The following GLG1 variants were observed in gnomAD, a reference collection of about 807,000 sequenced individuals.
The protein encoded by GLG1 is Golgi apparatus protein 1.
A neutral mutation model predicts 160.5 loss-of-function variants in GLG1; 38 were observed. The observed-to-expected ratio is 0.24, with a 90% confidence interval of 0.18 to 0.31. The LOEUF (loss-of-function observed/expected upper bound fraction) is 0.31, where lower values mean the gene tolerates loss of function less well. GLG1 is among the 10% of genes least tolerant of loss of function. GLG1 has a pLI of 1.00. For synonymous variants in GLG1, 644 were observed against 543.4 expected, an observed-to-expected ratio of 1.19 and a Z score of -2.57; for missense variants, 1,373 against 1,505.2, an observed-to-expected ratio of 0.91 and a Z score of 1.45.
chr16:74,528,487 CTTTTT>C (rs2017412818), intron 2 of GLG1, among the ~76,000 whole-genome samples: 1 of 151,836 alleles, frequency 6.6e-6, no homozygotes, highest in Non-Finnish European at 1.5e-5. Flanking sequence ...GTTGAGTTTT[CTTTTT>C]ATCTTTTCGT....
At chr16:74,461,946 C>T (rs2143177702) in intron 22 of GLG1, 148 bp downstream of exon 22, 1 of 576,346 alleles carries the variant, frequency 1.7e-6, no homozygotes, top group Non-Finnish European at 3.1e-6. Flanking sequence ...TTACAAAGAA[C>T]AGGAATGCAG....
In GLG1 at chr16:74,479,051, CAAAAAAAAAAAAA is replaced by C. The variant is rs34125450; in HGVS notation, c.1827+1177_1827+1189del. On this transcript the variant is annotated intron_variant, in intron 11 of 25. Coordinates refer to ENST00000422840, the MANE Select transcript of GLG1 (RefSeq NM_001145667.2). ...AGAAACCCCGTCTCTATTAAAAATCCAAAAAAAAAAAAAAAAAAAAAAAAAAAGCCAGGCATGA... is the reference window on the plus strand; with the variant it reads ...AGAAACCCCGTCTCTATTAAAAATCCAAAAAAAAAAAAAAGCCAGGCATGA... 2.9e-3 allele frequency among the ~76,000 whole-genome samples: 51 copies of C among 17,582 alleles called. 1 individual carries two copies. Among genetic ancestry groups the C allele is most frequent in the South Asian group, 6.7e-3 (2 of 298 alleles). The allele number at this position is 17,582 out of a possible 152,430, so 11.5% of individuals were successfully genotyped here. A position where few individuals can be genotyped will look rare whatever the true frequency, so the allele number is the denominator to read the frequency against.
At chr16:74,577,222 T>TA (rs971888179) in intron 1 of GLG1, among the ~76,000 whole-genome samples, 3 of 147,448 alleles carry the variant, frequency 2.0e-5, no homozygotes, top group Non-Finnish European at 3.0e-5. Flanking sequence ...CCACTTATTT[T>TA]AAAAAATAGA....
chr16:74,472,864 A>T (rs564731622), intron 13 of GLG1: 6 of 299,566 alleles, frequency 2.0e-5, no homozygotes, highest in Middle Eastern at 1.3e-3. Context: ...TAATGCCTTT[A>T]AAGAGAGAAA....
At chr16:74,554,617 G>A (rs1233147598) in intron 1 of GLG1, among the ~76,000 whole-genome samples, 2 of 152,204 alleles carry the variant, frequency 1.3e-5, no homozygotes, top group African/African-American at 2.4e-5. Flanking sequence ...CTTAAATTGA[G>A]CAGATGGGAC....
At chr16:74,552,426 T>C (rs144097496) in intron 1 of GLG1, 87 of 552,288 alleles carry the variant, frequency 1.6e-4, no homozygotes, top group African/African-American at 1.6e-3. Context: ...TAAGGCTACA[T>C]GAAGGAACGG....
chr16:74,456,858 T>C, intron 24 of GLG1, 103 bp from the exon 25 acceptor site: 1 of 751,406 alleles, frequency 1.3e-6, no homozygotes, highest in Non-Finnish European at 2.3e-6. Context: ...AGAATTCAGA[T>C]CTGCAGGCTC....
intron 4 of GLG1, among the ~76,000 whole-genome samples, chr16:74,502,162 G>C (rs1239070004): frequency 6.6e-6 from 1 of 152,222 alleles, no homozygotes; most frequent in Non-Finnish European, 1.5e-5. Context: ...TTCCTGAACA[G>C]TAGATTAATG....
At chr16:74,539,631 T>C (rs570400100) in intron 1 of GLG1, among the ~76,000 whole-genome samples, 2 of 151,932 alleles carry the variant, frequency 1.3e-5, no homozygotes, top group South Asian at 4.2e-4. Flanking sequence ...TCAGTGAGGT[T>C]ATATCCCTAT....
chr16:74,526,985 C>G lies in GLG1; in HGVS notation c.471+5136G>C, dbSNP rs189294973. 2.3e-3 allele frequency among the ~76,000 whole-genome samples: 351 copies of G among 152,244 alleles called. 3 individuals carry two copies. Among genetic ancestry groups the G allele is most frequent in the African/African-American group, 8.2e-3 (342 of 41,554 alleles). ...TGTGTTTTGGGTAAAGTGCTATCAA[C>G]CTGTAAGGGTCATGATGGCTAAATA... On this transcript the variant is annotated intron_variant, in intron 2 of 25. Transcript: ENST00000422840.
chr16:74,594,311 T>C (rs1028142165), intron 1 of GLG1, among the ~76,000 whole-genome samples: 3 of 152,218 alleles, frequency 2.0e-5, no homozygotes, highest in African/African-American at 7.2e-5. Context: ...TTTAATATGA[T>C]TCACCCTATC....
rs1325883302 is a variant in GLG1 at position 74,451,879 on chromosome 16, T to C, written c.*1288A>G. 4 of 584,406 alleles carry C rather than the reference T, an allele frequency of 6.8e-6. No individual in the cohort carries two copies. Among genetic ancestry groups the C allele is most frequent in the Non-Finnish European group, 9.3e-6 (3 of 323,352 alleles). The allele number at this position is 584,406 out of a possible 1,614,324, so 36.2% of individuals were successfully genotyped here. A position where few individuals can be genotyped will look rare whatever the true frequency, so the allele number is the denominator to read the frequency against. ...CCCATATTCTGCAAAGGTTGATGAATCGCCAAAATACAACATTTAGCCAAT... is the reference window on the plus strand; with the variant it reads ...CCCATATTCTGCAAAGGTTGATGAACCGCCAAAATACAACATTTAGCCAAT... On this transcript the variant is annotated 3_prime_UTR_variant, in exon 26 of 26. Transcript: ENST00000422840.
chr16:74,599,721 G>A (rs925191316), intron 1 of GLG1, among the ~76,000 whole-genome samples: 4 of 152,036 alleles, frequency 2.6e-5, no homozygotes, highest in Non-Finnish European at 4.4e-5. Flanking sequence ...AAAATTAGCC[G>A]GGCATGGTGG....
intron 2 of GLG1, among the ~76,000 whole-genome samples, chr16:74,523,631 G>A (rs2017242382): frequency 6.6e-6 from 1 of 151,874 alleles, no homozygotes; most frequent in African/African-American, 2.4e-5. Flanking sequence ...ACACTTATCT[G>A]TAGAGTGGTC....
At chr16:74,474,660 A>C in intron 12 of GLG1, 28 bp from the exon 13 acceptor site, 3 of 1,042,482 alleles carry the variant, frequency 2.9e-6, no homozygotes, top group Non-Finnish European at 4.6e-6. Flanking sequence ...AGCCACTGGC[A>C]TTTATCAGTC....
At chr16:74,454,004 T>G (rs555968359) in intron 25 of GLG1, among the ~76,000 whole-genome samples, 25 of 151,812 alleles carry the variant, frequency 1.6e-4, no homozygotes, top group African/African-American at 5.3e-4. Context: ...CATGAGTAGC[T>G]GGGACTACAG....
Position 74,483,894 on chromosome 16 carries a change from C to T in GLG1, c.1572-770G>A, listed in dbSNP as rs1045686378. 7.2e-5 allele frequency among the ~76,000 whole-genome samples: 11 copies of T among 152,194 alleles called. No individual in the cohort carries two copies. The East Asian group carries it at 1.4e-3, about 19-fold the overall frequency. On this transcript the variant is annotated intron_variant, in intron 9 of 25. Coordinates refer to ENST00000422840, the MANE Select transcript of GLG1 (RefSeq NM_001145667.2). ...CAGGATGGTCTCGATCTCCTGACCT[C>T]GTGATCTGCCCGCCTCGGCCTCCCA... is the stretch of plus-strand genomic sequence containing the variant.
chr16:74,574,195 G>A (rs770859961), intron 1 of GLG1, among the ~76,000 whole-genome samples: 71 of 152,200 alleles, frequency 4.7e-4, no homozygotes, highest in Non-Finnish European at 8.7e-4. Context: ...CAATTACTAT[G>A]TAATTTCTAA....
Position 74,449,630 on chromosome 16 carries a change from G to C in GLG1, c.*3537C>G, listed in dbSNP as rs1174319679. ...CAGCTGAGTGACTCACTGTTCCCAA[G>C]AAGAGTAAGGACAGCATGAGACAGC... On this transcript the variant is annotated 3_prime_UTR_variant, in exon 26 of 26. Coordinates refer to ENST00000422840, the MANE Select transcript of GLG1 (RefSeq NM_001145667.2). 1 of 152,216 alleles carries C rather than the reference G, an allele frequency of 6.6e-6. No individual in the cohort carries two copies. The highest frequency in any genetic ancestry group is 1.5e-5 in the Non-Finnish European group (1 of 68,052). 9.4% of individuals were successfully genotyped at this position (152,216 alleles called of 1,614,324 possible). A position where few individuals can be genotyped will look rare whatever the true frequency, so the allele number is the denominator to read the frequency against.
Sources: allele counts gnomAD v4.1 joint callset (sites outside exome capture counted in the v4.1 genomes callset), GRCh38; gene constraint gnomAD v4.1.1; transcripts MANE v1.5; gene names NCBI Gene and HGNC (gene_info 2026-07-23, HGNC 2026-07-21).